PCDHGB5: variants seen among roughly 807,000 people sequenced by gnomAD.
The protein encoded by PCDHGB5 is protocadherin gamma subfamily B, 5, also known as protocadherin gamma-B5.
In PCDHGB5, 48 loss-of-function variants were observed where a neutral mutation model predicts 62.9. That is an observed-to-expected ratio of 0.76 (90% CI 0.61 to 0.97). The LOEUF (loss-of-function observed/expected upper bound fraction) is 0.97. PCDHGB5 is among the 50% of genes least tolerant of loss of function. The pLI, the probability that PCDHGB5 is intolerant of heterozygous loss-of-function variation, is 0.00. For synonymous variants in PCDHGB5, 474 were observed against 511.2 expected (o/e 0.93, Z 0.98); for missense variants, 1,118 against 1,198.6 (o/e 0.93, Z 0.99).
intron 1 of PCDHGB5, chr5:141,410,735 T>C: frequency 7.5e-7 from 1 of 1,336,188 alleles, no homozygotes; most frequent in Non-Finnish European, 1.0e-6. Context: ...CATAGCTTTT[T>C]ACAATATTTT....
At chr5:141,409,858 G>A in intron 1 of PCDHGB5, 2 of 1,612,340 alleles carry the variant, frequency 1.2e-6, no homozygotes, top group Non-Finnish European at 1.7e-6. Context: ...GCGTGTTGGT[G>A]GGAGACCGCA....
At chr5:141,408,301 C>G in intron 1 of PCDHGB5, 1 of 1,613,756 alleles carries the variant, frequency 6.2e-7, no homozygotes, top group Non-Finnish European at 8.5e-7. Context: ...GTGAGCCGAT[C>G]CGCTACTCGA....
In PCDHGB5 at chr5:141,400,245, C is replaced by T. The variant is rs778709619; in HGVS notation, c.2118C>T (p.Ala706=). 66 of 1,613,878 alleles carry T rather than the reference C, an allele frequency of 4.1e-5. No individual in the cohort carries two copies. Among genetic ancestry groups the T allele is most frequent in the African/African-American group, 4.0e-5 (3 of 74,918 alleles). ...SVLFLLAVIL[A]VALRLRRSSS... ...TCTTCCTCCTGGCCGTGATTCTGGC[C>T]GTTGCCTTGCGCCTGCGACGCTCCT... The change falls in exon 1 of 4, where the codon GCC becomes GCT. Residue 706 remains alanine (A), a synonymous_variant. Transcript: ENST00000617380.
intron 1 of PCDHGB5, chr5:141,441,925 T>C (rs926242217): frequency 2.8e-6 from 1 of 353,614 alleles, no homozygotes; most frequent in Non-Finnish European, 5.4e-6. Flanking sequence ...ACACAATGCG[T>C]GGCTGTCCTA....
At chr5:141,437,764 A>G (rs1408729040) in intron 1 of PCDHGB5, among the ~76,000 whole-genome samples, 1 of 149,226 alleles carries the variant, frequency 6.7e-6, no homozygotes, top group Non-Finnish European at 1.5e-5. Flanking sequence ...TTTGAGACAG[A>G]GTCTCAATCT....
Position 141,431,142 on chromosome 5 carries a change from A to G in PCDHGB5, c.2397+30618A>G. ...GAAGTAGAAGTAAGGGACATTAACG[A>G]CAATGCGCCTTACTTTCGTGAAAGT... On this transcript the variant is annotated intron_variant, in intron 1 of 3. Coordinates refer to ENST00000617380, the MANE Select transcript of PCDHGB5 (RefSeq NM_018925.3). This position sits in a 1 kb window ranked among gnomAD's most constrained non-coding sequence, Gnocchi z 4.8. 1 of 1,614,240 alleles carries G rather than the reference A, an allele frequency of 6.2e-7. No individual in the cohort carries two copies. Among genetic ancestry groups the G allele is most frequent in the Non-Finnish European group, 8.5e-7 (1 of 1,180,024 alleles).
At chr5:141,492,402 C>A (rs1254310448) in intron 1 of PCDHGB5, among the ~76,000 whole-genome samples, 1 of 152,232 alleles carries the variant, frequency 6.6e-6, no homozygotes, top group African/African-American at 2.4e-5. Flanking sequence ...TCGCAGCTCC[C>A]CTCTGCCGCT....
rs1453835891 is a variant in PCDHGB5 at position 141,477,494 on chromosome 5, T to G, written c.2398-17313T>G. On this transcript the variant is annotated intron_variant, in intron 1 of 3. Coordinates refer to ENST00000617380, the MANE Select transcript of PCDHGB5 (RefSeq NM_018925.3). The surrounding 1 kb of genome is among the most constrained non-coding windows in gnomAD (Gnocchi z 4.9). ...TGACAACCCTCCACAATCTTCTCAA[T>G]CTTCCTACGACGTTTACATTGAAGA... 1 of 1,614,088 alleles carries G rather than the reference T, an allele frequency of 6.2e-7. No individual in the cohort carries two copies.
intron 1 of PCDHGB5, chr5:141,413,929 CGAGTGAGTGTTCCT>C: frequency 6.2e-7 from 1 of 1,613,342 alleles, no homozygotes; most frequent in Non-Finnish European, 8.5e-7. Flanking sequence ...GCCAGAATAC[CGAGTGAGTGTTCCT>C]GAGAATTTGC....
intron 1 of PCDHGB5, among the ~76,000 whole-genome samples, chr5:141,458,596 G>A (rs907922436): frequency 1.8e-4 from 27 of 151,842 alleles, no homozygotes; most frequent in African/African-American, 5.8e-4. Flanking sequence ...TTGGAGACGA[G>A]TCTCACTCTG....
intron 1 of PCDHGB5, among the ~76,000 whole-genome samples, chr5:141,471,883 C>T (rs951573411): frequency 6.6e-6 from 1 of 152,084 alleles, no homozygotes; most frequent in Non-Finnish European, 1.5e-5. Flanking sequence ...GAGGCTGAAG[C>T]TAGGAAGATT....
At position 141,416,083 on chromosome 5, in the gene PCDHGB5, A is replaced by T. The variant is rs183563665; in HGVS notation, c.2397+15559A>T. The T allele has an allele frequency of 1.6e-4, 27 of 167,232 alleles. 1 individual carries two copies. The East Asian group carries it at 3.9e-3, about 24-fold the overall frequency. The allele number at this position is 167,232 out of a possible 1,614,324, so 10.4% of individuals were successfully genotyped here. A position where few individuals can be genotyped will look rare whatever the true frequency, so the allele number is the denominator to read the frequency against. On this transcript the variant is annotated intron_variant, in intron 1 of 3. Transcript: ENST00000617380. Reference sequence around the variant, plus strand: ...AGAATACTCAATGCAGTTCTTCCCAAGGAGAAGGGCAATAGGCCTTTTTCA... The same window carrying T: ...AGAATACTCAATGCAGTTCTTCCCATGGAGAAGGGCAATAGGCCTTTTTCA...
At chr5:141,448,808 G>C (rs2098608218) in intron 1 of PCDHGB5, among the ~76,000 whole-genome samples, 2 of 152,080 alleles carry the variant, frequency 1.3e-5, no homozygotes, top group Admixed American at 1.3e-4. Flanking sequence ...AGCCAGGCGT[G>C]ATGGCGGGCG....
intron 3 of PCDHGB5, among the ~76,000 whole-genome samples, chr5:141,506,038 G>C (rs2099850248): frequency 6.6e-6 from 1 of 152,174 alleles, no homozygotes; most frequent in South Asian, 2.1e-4. Context: ...GTAGGATTCT[G>C]GTTTTCCCAT....
rs371270054 is a variant in PCDHGB5 at position 141,400,209 on chromosome 5, G to T, written c.2082G>T (p.Leu694Phe). The T allele has an allele frequency of 5.0e-6, 8 of 1,613,934 alleles. No individual in the cohort carries two copies. Among genetic ancestry groups the T allele is most frequent in the African/African-American group, 2.7e-5 (2 of 74,934 alleles). The change falls in exon 1 of 4, where the codon TTG becomes TTT. Residue 694 changes from leucine to phenylalanine, a missense_variant. By Grantham distance (22) the Leu-to-Phe change is conservative (BLOSUM62 0). Transcript: ENST00000617380. ...LQFYLVVALA[L>F]ISVLFLLAVI... ...TTTACCTAGTGGTGGCCTTGGCCTTGATCTCAGTGCTCTTCCTCCTGGCCG... is the reference window on the plus strand; with the variant it reads ...TTTACCTAGTGGTGGCCTTGGCCTTTATCTCAGTGCTCTTCCTCCTGGCCG...
At chr5:141,425,717 C>G (rs1207360676) in intron 1 of PCDHGB5, among the ~76,000 whole-genome samples, 1 of 152,188 alleles carries the variant, frequency 6.6e-6, no homozygotes, top group African/African-American at 2.4e-5. Context: ...TTTTCCCATA[C>G]CACTTGATGG....
intron 1 of PCDHGB5, chr5:141,423,381 G>T (rs2154550114): frequency 6.2e-7 from 1 of 1,614,204 alleles, no homozygotes; most frequent in East Asian, 2.2e-5. Flanking sequence ...TCAGGCTGTG[G>T]CGCTGGCATA....
chr5:141,433,228 C>G (rs2097577964), intron 1 of PCDHGB5: 7 of 1,522,184 alleles, frequency 4.6e-6, no homozygotes, highest in Non-Finnish European at 5.4e-6. Flanking sequence ...TTTAATTGCT[C>G]TGTCTCCCAA....
intron 1 of PCDHGB5, among the ~76,000 whole-genome samples, chr5:141,445,531 C>A (rs1476079791): frequency 6.6e-6 from 1 of 152,136 alleles, no homozygotes; most frequent in Non-Finnish European, 1.5e-5. Flanking sequence ...TGATAAAAGC[C>A]AACAAGGAGA....
Sources: allele counts gnomAD v4.1 joint callset (sites outside exome capture counted in the v4.1 genomes callset), GRCh38; gene constraint gnomAD v4.1.1; non-coding constraint Gnocchi (gnomAD v3.1); transcripts MANE v1.5; gene names NCBI Gene and HGNC (gene_info 2026-07-23, HGNC 2026-07-21).